SEPTIN9: variants seen among roughly 807,000 people sequenced by gnomAD.
SEPTIN9 encodes the protein septin 9.
In SEPTIN9, 13 loss-of-function variants were observed where a neutral mutation model predicts 56.6. The ratio of observed to expected loss-of-function variants is 0.23; its 90% CI spans 0.15 to 0.37. The LOEUF (loss-of-function observed/expected upper bound fraction) is 0.37. Among genes scored for constraint, SEPTIN9 ranks in the 10% least tolerant of loss-of-function variants. The probability of loss-of-function intolerance (pLI) is 1.00; values close to 1 mark genes in which losing one functional copy is unlikely to be tolerated. For synonymous variants in SEPTIN9, 332 were observed against 334.1 expected, an observed-to-expected ratio of 0.99 and a Z score of 0.07; for missense variants, 650 against 823.1, an observed-to-expected ratio of 0.79 and a Z score of 2.57.
At chr17:77,420,195 C>T (rs2036649782) in intron 3 of SEPTIN9, among the ~76,000 whole-genome samples, 1 of 152,198 alleles carries the variant, frequency 6.6e-6, no homozygotes. Flanking sequence ...CAGACCCCTG[C>T]TTGGCCATGC....
intron 1 of SEPTIN9, chr17:77,288,159 G>A (rs376317254): frequency 9.4e-7 from 1 of 1,061,066 alleles, no homozygotes; most frequent in South Asian, 4.6e-5. Flanking sequence ...AAGGGGTCCA[G>A]GCAGGAGTGT....
chr17:77,374,669 C>A (rs1367713152), intron 2 of SEPTIN9: 4 of 152,356 alleles, frequency 2.6e-5, no homozygotes, highest in Non-Finnish European at 5.9e-5. Flanking sequence ...CTCCCCGCTC[C>A]ATGGCCAGAA....
intron 1 of SEPTIN9, among the ~76,000 whole-genome samples, chr17:77,303,418 T>C (rs1240074761): frequency 4.6e-5 from 7 of 150,892 alleles, no homozygotes; most frequent in African/African-American, 1.7e-4. Context: ...ATATTGATAT[T>C]ATAATAATAT....
chr17:77,296,335 AGATG>A (rs542986795), intron 1 of SEPTIN9, among the ~76,000 whole-genome samples: 1 of 152,144 alleles, frequency 6.6e-6, no homozygotes. Context: ...AGCCAATAGG[AGATG>A]GATGGATGGA....
chr17:77,454,319 C>T (rs374237281), intron 3 of SEPTIN9: 30 of 985,396 alleles, frequency 3.0e-5, no homozygotes, highest in African/African-American at 2.3e-4. Context: ...CTTCCGGCGC[C>T]GAGCTTTGAT....
At chr17:77,486,206 A>G (rs1257082175) in intron 4 of SEPTIN9, among the ~76,000 whole-genome samples, 1 of 152,044 alleles carries the variant, frequency 6.6e-6, no homozygotes, top group Non-Finnish European at 1.5e-5. Flanking sequence ...GGGCTTGAGC[A>G]ATTCTCCTAC....
rs2037968974 is a variant in SEPTIN9, at chr17:77,451,514, C to T, written c.722-30630C>T. 3 of 985,716 alleles carry T rather than the reference C, an allele frequency of 3.0e-6. No individual in the cohort carries two copies. Among genetic ancestry groups the T allele is most frequent in the South Asian group, 9.4e-5 (2 of 21,306 alleles). The allele number at this position is 985,716 out of a possible 1,614,324, so 61.1% of individuals were successfully genotyped here. On this transcript the variant is annotated intron_variant, in intron 3 of 11. Coordinates refer to ENST00000427177, the MANE Select transcript of SEPTIN9 (RefSeq NM_001113491.2). This position sits in a 1 kb window ranked among gnomAD's most constrained non-coding sequence, Gnocchi z 4.2. ...TCTCGGCGCGTCCAGCGCAGCCCGACGTTCCGCTGCTGGGGTGAGTCCTGC... is the reference window on the plus strand; with the variant it reads ...TCTCGGCGCGTCCAGCGCAGCCCGATGTTCCGCTGCTGGGGTGAGTCCTGC...
intron 7 of SEPTIN9, among the ~76,000 whole-genome samples, chr17:77,490,428 CCAA>C: frequency 6.6e-6 from 1 of 152,364 alleles, no homozygotes; most frequent in East Asian, 1.9e-4. Context: ...GGCTGCTGAG[CCAA>C]CGACAGCCCT....
At chr17:77,296,531 TAGACACAGACAGGCAGACAGAC>T (rs1460083191) in intron 1 of SEPTIN9, among the ~76,000 whole-genome samples, 1 of 151,860 alleles carries the variant, frequency 6.6e-6, no homozygotes, top group Non-Finnish European at 1.5e-5. Flanking sequence ...GGCAGGCAGA[TAGACACAGACAGGCAGACAGAC>T]AGACAGACAG....
At chr17:77,495,168 C>T (rs1219736733) in intron 10 of SEPTIN9, among the ~76,000 whole-genome samples, 1 of 128,856 alleles carries the variant, frequency 7.8e-6, no homozygotes, top group Non-Finnish European at 1.9e-5. Flanking sequence ...CAGAAACTGT[C>T]AGGAAATGCA....
rs2143497039 is a variant in SEPTIN9 at position 77,499,090 on chromosome 17, C to T, written c.*432C>T. The stretch of plus-strand genomic sequence containing the variant: ...CCCTCCATCCCCATCGGCCCTGTCC[C>T]CTGGAGTGTGTCAGAGCCCAGGGGA... On this transcript the variant is annotated 3_prime_UTR_variant, in exon 12 of 12. Transcript: ENST00000427177. 1.9e-6 allele frequency: 1 copy of T among 536,566 alleles called. No homozygotes were observed. The highest frequency in any genetic ancestry group is 3.6e-6 in the Non-Finnish European group (1 of 276,538). The allele number at this position is 536,566 out of a possible 1,614,324, so 33.2% of individuals were successfully genotyped here.
chr17:77,308,091 T>C (rs879276247), intron 2 of SEPTIN9, among the ~76,000 whole-genome samples: 12 of 152,124 alleles, frequency 7.9e-5, no homozygotes, highest in Non-Finnish European at 1.6e-4. Context: ...GTCACAGCAA[T>C]GAATGGACTT....
chr17:77,401,720 C>CA (rs139887327), intron 2 of SEPTIN9, among the ~76,000 whole-genome samples: 15,261 of 143,296 alleles, frequency 0.11, 1,027 homozygotes, highest in Middle Eastern at 0.24. Context: ...GACTCCATCT[C>CA]AAAAAAAAAA....
chr17:77,350,652 A>G (rs1281743773), intron 2 of SEPTIN9, among the ~76,000 whole-genome samples: 1 of 121,466 alleles, frequency 8.2e-6, no homozygotes, highest in Non-Finnish European at 1.8e-5. Context: ...CACATGCATT[A>G]CACCCTTCTA....
intron 3 of SEPTIN9, among the ~76,000 whole-genome samples, chr17:77,463,656 A>G (rs1468867993): frequency 6.6e-6 from 1 of 152,122 alleles, no homozygotes; most frequent in Non-Finnish European, 1.5e-5. Context: ...CAGCCTGGCC[A>G]ACATGGTGAA....
At chr17:77,460,911 C>T (rs1257913393) in intron 3 of SEPTIN9, among the ~76,000 whole-genome samples, 1 of 152,218 alleles carries the variant, frequency 6.6e-6, no homozygotes, top group Non-Finnish European at 1.5e-5. Context: ...TGCCATCCCC[C>T]ACTCCTTTTA....
chr17:77,399,516 C>T (rs2035834505), intron 2 of SEPTIN9, among the ~76,000 whole-genome samples: 1 of 152,164 alleles, frequency 6.6e-6, no homozygotes, highest in Admixed American at 6.5e-5. Context: ...CGCACGAGGA[C>T]CCAGGCATTG....
At chr17:77,460,720 T>C (rs2038432888) in intron 3 of SEPTIN9, among the ~76,000 whole-genome samples, 2 of 152,086 alleles carry the variant, frequency 1.3e-5, no homozygotes, top group South Asian at 4.1e-4. Flanking sequence ...GCAAGGGATG[T>C]GGGGGCCTGC....
intron 3 of SEPTIN9, among the ~76,000 whole-genome samples, chr17:77,462,280 C>T (rs913326588): frequency 3.9e-5 from 6 of 152,206 alleles, no homozygotes; most frequent in Non-Finnish European, 7.3e-5. Context: ...CTCTGTCGCA[C>T]GTCCAGGCTG....
Sources: allele counts gnomAD v4.1 joint callset (sites outside exome capture counted in the v4.1 genomes callset), GRCh38; gene constraint gnomAD v4.1.1; non-coding constraint Gnocchi (gnomAD v3.1); transcripts MANE v1.5; gene names NCBI Gene and HGNC (gene_info 2026-07-23, HGNC 2026-07-21).